CNTNAP2: variants seen among roughly 807,000 people sequenced by gnomAD.
The protein encoded by CNTNAP2 is contactin associated protein 2.
CNTNAP2 carries 98 observed loss-of-function variants against 155.2 expected under a neutral mutation model. The observed-to-expected ratio is 0.63, with a 90% CI of 0.54 to 0.75. The LOEUF (loss-of-function observed/expected upper bound fraction) is 0.75, where lower values mean the gene tolerates loss of function less well. CNTNAP2 is among the 30% of genes least tolerant of loss of function. The probability of loss-of-function intolerance (pLI) is 0.00; values close to 1 mark genes in which losing one functional copy is unlikely to be tolerated. For missense variants in CNTNAP2, 1,727 were observed against 1,688.1 expected, an observed-to-expected ratio of 1.02 and a Z score of -0.40; for synonymous variants, 651 against 631.2, an observed-to-expected ratio of 1.03 and a Z score of -0.47.
intron 3 of CNTNAP2, among the ~76,000 whole-genome samples, chr7:146,982,930 T>C (rs532517906): frequency 1.3e-5 from 2 of 152,310 alleles, no homozygotes; most frequent in South Asian, 4.1e-4. Context: ...CCAGGGATTA[T>C]TTGCCTAAGC....
At chr7:147,646,402 C>T (rs562201458) in intron 13 of CNTNAP2, among the ~76,000 whole-genome samples, 40 of 152,252 alleles carry the variant, frequency 2.6e-4, no homozygotes, top group South Asian at 2.1e-4. Flanking sequence ...ATCCTTTTAA[C>T]TGACATCAAA....
intron 4 of CNTNAP2, among the ~76,000 whole-genome samples, chr7:147,053,199 A>G (rs911066790): frequency 1.3e-4 from 20 of 152,108 alleles, no homozygotes; most frequent in African/African-American, 4.8e-4. Flanking sequence ...GCTAAGGTAG[A>G]TAGCTAGTGG....
chr7:147,326,552 G>A (rs1287077992), intron 9 of CNTNAP2, among the ~76,000 whole-genome samples: 1 of 152,200 alleles, frequency 6.6e-6, no homozygotes, highest in Non-Finnish European at 1.5e-5. Flanking sequence ...ATACCCAGGA[G>A]TGGAATTGCT....
chr7:146,155,761 G>A (rs987810846), intron 1 of CNTNAP2, among the ~76,000 whole-genome samples: 3 of 151,400 alleles, frequency 2.0e-5, no homozygotes, highest in African/African-American at 4.9e-5. Context: ...GTGCAATGGC[G>A]GGATCTTGGC....
At chr7:146,688,960 T>A (rs1173668750) in intron 1 of CNTNAP2, among the ~76,000 whole-genome samples, 1 of 152,168 alleles carries the variant, frequency 6.6e-6, no homozygotes, top group African/African-American at 2.4e-5. Flanking sequence ...ATGAAAACTT[T>A]CTATGTTCAT....
intron 21 of CNTNAP2, among the ~76,000 whole-genome samples, chr7:148,342,244 AATG>A (rs1411540149): frequency 6.6e-6 from 1 of 152,204 alleles, no homozygotes; most frequent in Non-Finnish European, 1.5e-5. Context: ...AAGAGTCAGA[AATG>A]ATGACCATTC....
chr7:146,398,813 G>T (rs1795672119), intron 1 of CNTNAP2, among the ~76,000 whole-genome samples: 1 of 151,752 alleles, frequency 6.6e-6, no homozygotes, highest in East Asian at 1.9e-4. Context: ...GGCCCACCAG[G>T]GCAGGGAGAG....
chr7:147,545,557 T>C (rs1799714575), intron 11 of CNTNAP2, among the ~76,000 whole-genome samples: 2 of 152,166 alleles, frequency 1.3e-5, no homozygotes, highest in African/African-American at 4.8e-5. Context: ...TTCTGAATAA[T>C]TCTTTGCTAG....
intron 1 of CNTNAP2, among the ~76,000 whole-genome samples, chr7:146,322,634 C>CTTT (rs56287346): frequency 0.12 from 7,821 of 64,732 alleles, 1,815 homozygotes; most frequent in African/African-American, 0.39. Context: ...TGTTCATTCT[C>CTTT]TTTTTTTTTT....
rs143551685 is a variant in CNTNAP2, at chr7:146,525,263, A to G, written c.98-249008A>G. ...AACTGAAAAGCACTAATTGTCAGAG[A>G]AAGAAATGAAGTTTTTTTCTAGTGA... On this transcript the variant is annotated intron_variant, in intron 1 of 23. Transcript: ENST00000361727. 3.0e-4 allele frequency among the ~76,000 whole-genome samples: 46 copies of G among 152,220 alleles called. No individual in the cohort carries two copies. In the East Asian group the frequency reaches 8.7e-3, roughly 29 times the overall value.
At chr7:147,530,619 T>C (rs1004645443) in intron 11 of CNTNAP2, among the ~76,000 whole-genome samples, 3 of 152,130 alleles carry the variant, frequency 2.0e-5, no homozygotes. Context: ...CTGGATTCAG[T>C]TACCTCCCCC....
At chr7:146,879,708 T>C (rs914788249) in intron 3 of CNTNAP2, among the ~76,000 whole-genome samples, 8 of 152,118 alleles carry the variant, frequency 5.3e-5, no homozygotes, top group Non-Finnish European at 1.2e-4. Context: ...GAACAGCTTG[T>C]TTCTACATCT....
chr7:146,183,102 A>C (rs1230194463), intron 1 of CNTNAP2, among the ~76,000 whole-genome samples: 1 of 152,134 alleles, frequency 6.6e-6, no homozygotes, highest in Admixed American at 6.6e-5. Flanking sequence ...ATGTTTTGCA[A>C]AAGGCTTCTG....
intron 12 of CNTNAP2, among the ~76,000 whole-genome samples, chr7:147,569,615 G>A (rs2190006): frequency 0.7 from 106,276 of 152,080 alleles, 37,357 homozygotes; most frequent in African/African-American, 0.75. Flanking sequence ...AGGCTTTACC[G>A]TACAGCCCAG....
intron 21 of CNTNAP2, among the ~76,000 whole-genome samples, chr7:148,371,977 G>A (rs1332374325): frequency 6.6e-6 from 1 of 152,152 alleles, no homozygotes; most frequent in Non-Finnish European, 1.5e-5. Flanking sequence ...GAGGCAGGCG[G>A]ATCACAAGGT....
At chr7:147,395,130 A>G (rs556262814) in intron 9 of CNTNAP2, among the ~76,000 whole-genome samples, 2 of 152,152 alleles carry the variant, frequency 1.3e-5, no homozygotes, top group African/African-American at 4.8e-5. Context: ...ATTTCATAAT[A>G]GTAAGTTTGG....
At chr7:146,119,933 A>C (rs1797538697) in intron 1 of CNTNAP2, among the ~76,000 whole-genome samples, 1 of 151,892 alleles carries the variant, frequency 6.6e-6, no homozygotes. Context: ...ATTTGAATAC[A>C]TGTTATAAAG....
Position 146,483,282 on chromosome 7 carries a change from A to AAAAAAAAT in CNTNAP2, c.98-290988_98-290987insAAAAAATA, listed in dbSNP as rs1178407767. Among the ~76,000 whole-genome samples, 12 of 39,876 alleles carry AAAAAAAAT rather than the reference A, an allele frequency of 3.0e-4. No homozygotes were observed. In the East Asian group the frequency reaches 3.2e-3, roughly 11 times the overall value. 26.2% of individuals were successfully genotyped at this position (39,876 alleles called of 152,430 possible). ...CAGAGCAAGACTCCGTCTAAAAAAA[A>AAAAAAAAT]ATATATATATATATATATATATATA... On this transcript the variant is annotated intron_variant, in intron 1 of 23. Coordinates refer to ENST00000361727, the MANE Select transcript of CNTNAP2 (RefSeq NM_014141.6).
intron 8 of CNTNAP2, among the ~76,000 whole-genome samples, chr7:147,229,125 T>C (rs542331073): frequency 6.6e-6 from 1 of 152,258 alleles, no homozygotes; most frequent in African/African-American, 2.4e-5. Context: ...ACCATTACAC[T>C]GGTTAAAAGT....
Sources: allele counts gnomAD v4.1 joint callset (sites outside exome capture counted in the v4.1 genomes callset), GRCh38; gene constraint gnomAD v4.1.1; transcripts MANE v1.5; gene names NCBI Gene and HGNC (gene_info 2026-07-23, HGNC 2026-07-21).